The following COL5A2 variants were observed in gnomAD, a reference collection of about 807,000 sequenced individuals.
COL5A2 encodes the protein collagen type V alpha 2 chain.
Under a neutral mutation model 208.2 loss-of-function variants are expected in COL5A2, and 23 were observed. The ratio of observed to expected loss-of-function variants is 0.11; its 90% confidence interval spans 0.08 to 0.16. The LOEUF (loss-of-function observed/expected upper bound fraction) is 0.16. Among genes scored for constraint, COL5A2 ranks in the 10% least tolerant of loss-of-function variants. The pLI is 1.00. For missense variants in COL5A2, 1,590 were observed against 1,956.4 expected, an observed-to-expected ratio of 0.81 and a Z score of 3.53; for synonymous variants, 625 against 628.5, an observed-to-expected ratio of 0.99 and a Z score of 0.08.
the COL5A2 span, among the ~76,000 whole-genome samples, chr2:189,261,133 G>T: frequency 6.6e-6 from 1 of 151,958 alleles, no homozygotes; most frequent in Non-Finnish European, 1.5e-5. Flanking sequence ...ATTGCTTGAT[G>T]TAACTCACAA....
At chr2:189,393,708 T>C in the COL5A2 span, among the ~76,000 whole-genome samples, 3 of 152,200 alleles carry the variant, frequency 2.0e-5, no homozygotes, top group South Asian at 2.1e-4. Context: ...TTTCAATAAT[T>C]AGGTCTTACT....
chr2:189,359,223 C>A, the COL5A2 span, among the ~76,000 whole-genome samples: 2 of 152,006 alleles, frequency 1.3e-5, no homozygotes, highest in African/African-American at 4.8e-5. Flanking sequence ...CAAATATGGT[C>A]TTTATTTTGT....
intron 1 of COL5A2, among the ~76,000 whole-genome samples, chr2:189,118,857 G>T (rs1262798598): frequency 6.6e-6 from 1 of 151,920 alleles, no homozygotes; most frequent in Non-Finnish European, 1.5e-5. Flanking sequence ...AAGTGATTTT[G>T]CTGAAGAACA....
chr2:189,311,801 C>T, the COL5A2 span: 1 of 1,013,344 alleles, frequency 9.9e-7, no homozygotes, highest in Non-Finnish European at 1.5e-6. Context: ...ACCTGGATGT[C>T]TGAAATGATC....
intron 1 of COL5A2, among the ~76,000 whole-genome samples, chr2:189,127,099 G>A (rs909154105): frequency 1.3e-5 from 2 of 152,034 alleles, no homozygotes; most frequent in Admixed American, 6.6e-5. Flanking sequence ...CTTTTCTTGT[G>A]GAAGTGATGT....
At chr2:189,203,392 G>A (rs1399561524) in intron 1 of COL5A2, among the ~76,000 whole-genome samples, 1 of 152,216 alleles carries the variant, frequency 6.6e-6, no homozygotes, top group African/African-American at 2.4e-5. Context: ...TTTGGCAGAT[G>A]TGGAGTCTGT....
chr2:189,138,414 G>A (rs1272820713), intron 1 of COL5A2, among the ~76,000 whole-genome samples: 2 of 152,032 alleles, frequency 1.3e-5, no homozygotes, highest in Non-Finnish European at 2.9e-5. Context: ...CTTCTCAGGC[G>A]ATTCTACTGT....
the COL5A2 span, among the ~76,000 whole-genome samples, chr2:189,239,400 C>G: frequency 6.6e-6 from 1 of 151,694 alleles, no homozygotes. Context: ...CAGTGTAATT[C>G]CAAAAGTCCT....
chr2:189,058,346 CA>C, intron 33 of COL5A2, 82 bp downstream of exon 33: 2 of 1,068,426 alleles, frequency 1.9e-6, no homozygotes, highest in Non-Finnish European at 2.9e-6. Context: ...AAAAACAAGA[CA>C]AATGCATTCT....
intron 1 of COL5A2, among the ~76,000 whole-genome samples, chr2:189,121,007 T>C (rs1309886468): frequency 6.6e-6 from 1 of 152,022 alleles, no homozygotes; most frequent in African/African-American, 2.4e-5. Context: ...TCTCTACCTT[T>C]ACGGAGTTTA....
chr2:189,137,914 A>G (rs1229540293), intron 1 of COL5A2, among the ~76,000 whole-genome samples: 1 of 152,162 alleles, frequency 6.6e-6, no homozygotes, highest in Non-Finnish European at 1.5e-5. Flanking sequence ...ATAGTTTTTC[A>G]AAGCACTGTT....
chr2:189,381,733 T>C, the COL5A2 span, among the ~76,000 whole-genome samples: 7 of 151,992 alleles, frequency 4.6e-5, no homozygotes, highest in Non-Finnish European at 1.0e-4. Context: ...AGAAGAAAAA[T>C]TAAATTTAAA....
At chr2:189,235,053 A>G in the COL5A2 span, among the ~76,000 whole-genome samples, 1 of 151,694 alleles carries the variant, frequency 6.6e-6, no homozygotes, top group East Asian at 1.9e-4. Flanking sequence ...TATAGTGTAT[A>G]TTTTATACTT....
chr2:189,052,847 G>A (rs779312526), intron 39 of COL5A2, 45 bp from the exon 40 acceptor site: 2 of 1,611,272 alleles, frequency 1.2e-6, no homozygotes, highest in East Asian at 2.2e-5. Context: ...AGCAAAAGAG[G>A]CTGAATGTAC....
upstream of COL5A2, among the ~76,000 whole-genome samples, chr2:189,181,126 G>A (rs547167030): frequency 5.3e-5 from 8 of 152,242 alleles, no homozygotes; most frequent in East Asian, 1.9e-4. Context: ...CATTAAGCCC[G>A]GAGAAAGGAG....
intron 30 of COL5A2, 48 bp from the exon 31 acceptor site, chr2:189,060,831 C>T: frequency 7.3e-7 from 1 of 1,376,380 alleles, no homozygotes; most frequent in Non-Finnish European, 1.0e-6. Context: ...GTAAGTTTAA[C>T]AGGCTACCAG....
intron 11 of COL5A2, among the ~76,000 whole-genome samples, chr2:189,084,244 G>A (rs887138596): frequency 6.6e-6 from 1 of 152,038 alleles, no homozygotes; most frequent in East Asian, 1.9e-4. Context: ...TTAGTCTGTG[G>A]CTTTCATTAA....
the COL5A2 span, among the ~76,000 whole-genome samples, chr2:189,323,817 A>C: frequency 1.2e-4 from 18 of 152,344 alleles, no homozygotes; most frequent in African/African-American, 4.1e-4. Context: ...ATTGGAAAAA[A>C]CTACTTTAAA....
At chr2:189,228,097 T>C (rs1689440703), upstream of COL5A2, among the ~76,000 whole-genome samples, 1 of 151,994 alleles carries the variant, frequency 6.6e-6, no homozygotes, top group Admixed American at 6.6e-5. Flanking sequence ...AAAGTGAAAT[T>C]AGAAAACATT....
Sources: gnomAD v4.1 joint callset for allele counts (sites outside exome capture counted in the v4.1 genomes callset) on GRCh38, gnomAD v4.1.1 for gene constraint, MANE v1.5 for transcripts, NCBI Gene and HGNC (gene_info 2026-07-23, HGNC 2026-07-21) for gene names.